RAB20: variants seen among roughly 807,000 people sequenced by gnomAD.
RAB20 encodes ras-related protein Rab-20.
A neutral mutation model predicts 3.7 loss-of-function variants in RAB20; 2 were observed. That is an observed-to-expected ratio of 0.54 (90% CI 0.22 to 1.69). The LOEUF is 1.69. Among genes scored for constraint, RAB20 ranks in the 40% most tolerant of loss-of-function variants. The probability of loss-of-function intolerance (pLI) is 0.19; values close to 1 mark genes in which losing one functional copy is unlikely to be tolerated. For missense variants in RAB20, 276 were observed against 311.9 expected (o/e 0.88, Z 0.87); for synonymous variants, 126 against 130.8 (o/e 0.96, Z 0.25).
chr13:110,545,493 G>A (rs1348055339), intron 1 of RAB20, among the ~76,000 whole-genome samples: 1 of 152,192 alleles, frequency 6.6e-6, no homozygotes, highest in African/African-American at 2.4e-5. Flanking sequence ...TCTGTCTACT[G>A]CCACTTGCCC....
At chr13:110,552,597 G>A (rs1884972713) in intron 1 of RAB20, among the ~76,000 whole-genome samples, 1 of 151,372 alleles carries the variant, frequency 6.6e-6, no homozygotes, top group African/African-American at 2.4e-5. Context: ...GGAGGCTGAG[G>A]CAGGAGAATG....
chr13:110,534,440 G>A (rs1884604630), intron 1 of RAB20, among the ~76,000 whole-genome samples: 1 of 152,196 alleles, frequency 6.6e-6, no homozygotes, highest in Admixed American at 6.5e-5. Context: ...ACAAAGAGGT[G>A]CTGCCACCGT....
chr13:110,536,297 G>T (rs1057267915), intron 1 of RAB20, among the ~76,000 whole-genome samples: 2 of 152,298 alleles, frequency 1.3e-5, no homozygotes, highest in East Asian at 1.9e-4. Context: ...ATGAGCTTCT[G>T]CTGTTTGAAG....
chr13:110,535,697 C>T lies in RAB20; in HGVS notation c.173-11500G>A, dbSNP rs74419499. Among the ~76,000 whole-genome samples, 1,375 of 152,352 alleles carry T rather than the reference C, an allele frequency of 9.0e-3. 26 individuals carry two copies. The highest frequency in any genetic ancestry group is 0.032 in the African/African-American group (1,315 of 41,578). Reference sequence around the variant, plus strand: ...CGTGAAGCACCGCACACACCCGGCACGCTGGGCCCAGGCCTTCCACGCAGT... The same window carrying T: ...CGTGAAGCACCGCACACACCCGGCATGCTGGGCCCAGGCCTTCCACGCAGT... On this transcript the variant is annotated intron_variant, in intron 1 of 1. Transcript: ENST00000267328.
At chr13:110,552,972 G>A (rs1169498041) in intron 1 of RAB20, among the ~76,000 whole-genome samples, 2 of 152,216 alleles carry the variant, frequency 1.3e-5, no homozygotes, top group African/African-American at 4.8e-5. Context: ...CGGCCACTGT[G>A]CTCTGCAATC....
In RAB20 at chr13:110,561,574, C is replaced by A; in HGVS notation, c.-55G>T. On this transcript the variant is annotated 5_prime_UTR_variant, in exon 1 of 2. Coordinates refer to ENST00000267328, the MANE Select transcript of RAB20 (RefSeq NM_017817.3). ...GCCCTCTCCCCGAGGCTGGCCGGCT[C>A]GTGCGCCCTGGGCGCAGCTGGAGGA... The A allele has an allele frequency of 6.7e-7, 1 of 1,501,168 alleles. No homozygotes were observed. The highest frequency in any genetic ancestry group is 8.9e-7 in the Non-Finnish European group (1 of 1,127,390). 93.0% of individuals were successfully genotyped at this position (1,501,168 alleles called of 1,614,324 possible).
intron 1 of RAB20, among the ~76,000 whole-genome samples, chr13:110,554,983 C>A (rs1168980515): frequency 4.8e-5 from 3 of 62,756 alleles, no homozygotes; most frequent in African/African-American, 2.0e-4. Flanking sequence ...TGAAGCTGAG[C>A]GGCCCTGGCA....
chr13:110,553,825 C>T (rs1884996256), intron 1 of RAB20, among the ~76,000 whole-genome samples: 1 of 152,204 alleles, frequency 6.6e-6, no homozygotes, highest in African/African-American at 2.4e-5. Context: ...CAGCTAAAAT[C>T]TGACTCCTGG....
intron 1 of RAB20, among the ~76,000 whole-genome samples, chr13:110,527,468 G>A (rs749469794): frequency 6.6e-6 from 1 of 152,186 alleles, no homozygotes; most frequent in Non-Finnish European, 1.5e-5. Flanking sequence ...TCAGAAGAAT[G>A]TGCCCTGCTG....
At chr13:110,527,932 CACACACACACAT>C (rs367814779) in intron 1 of RAB20, among the ~76,000 whole-genome samples, 1,685 of 149,798 alleles carry the variant, frequency 0.011, 37 homozygotes, top group African/African-American at 0.04. Context: ...CACACACACA[CACACACACACAT>C]ACACTTTAAT....
At chr13:110,524,345 T>C (rs895226635) in intron 1 of RAB20, 148 bp from the exon 2 acceptor site, 3 of 1,286,018 alleles carry the variant, frequency 2.3e-6, no homozygotes, top group Non-Finnish European at 3.1e-6. Context: ...TGATGGAGAA[T>C]GTGCCACCCA....
intron 1 of RAB20, among the ~76,000 whole-genome samples, chr13:110,559,807 A>G (rs541525884): frequency 6.6e-6 from 1 of 152,298 alleles, no homozygotes; most frequent in African/African-American, 2.4e-5. Context: ...GTGGAAACGA[A>G]ACTGCTGCTT....
At chr13:110,538,608 AAAAAAAAAAAGAAAG>A (rs1348897582) in intron 1 of RAB20, among the ~76,000 whole-genome samples, 198 of 138,048 alleles carry the variant, frequency 1.4e-3, no homozygotes, top group Non-Finnish European at 2.2e-3. Context: ...AAAAAAAAAA[AAAAAAAAAAAGAAAG>A]AAAAGAAAAG....
rs1045551515 is a variant in RAB20 at position 110,555,511 on chromosome 13, C to T, written c.172+5837G>A. Among the ~76,000 whole-genome samples the T allele has an allele frequency of 5.3e-5, 8 of 152,358 alleles. No homozygotes were observed. The East Asian group carries it at 1.5e-3, about 29-fold the overall frequency. ...GGCTGGGCCCATCTCTCTTCCACAT[C>T]TTTGCCGTCCACCCGTCCTTGGGTT... On this transcript the variant is annotated intron_variant, in intron 1 of 1. Transcript: ENST00000267328. This position sits in a 1 kb window ranked among gnomAD's most constrained non-coding sequence, Gnocchi z 4.0.
intron 1 of RAB20, among the ~76,000 whole-genome samples, chr13:110,539,853 C>T (rs1041157091): frequency 1.3e-5 from 2 of 152,220 alleles, no homozygotes; most frequent in Admixed American, 1.3e-4. Flanking sequence ...AGCCACCGCG[C>T]CCGGCCACAT....
chr13:110,542,230 G>A (rs1215990678), intron 1 of RAB20, among the ~76,000 whole-genome samples: 1 of 151,618 alleles, frequency 6.6e-6, no homozygotes, highest in African/African-American at 2.4e-5. Context: ...TATTTCAGAT[G>A]TACAACATGA....
intron 1 of RAB20, among the ~76,000 whole-genome samples, chr13:110,527,636 C>T (rs903786804): frequency 2.0e-5 from 3 of 152,132 alleles, no homozygotes; most frequent in Non-Finnish European, 4.4e-5. Flanking sequence ...TCCTCCCTTC[C>T]GCACGCCTAC....
At chr13:110,536,721 T>TTGGG (rs1164445964) in intron 1 of RAB20, among the ~76,000 whole-genome samples, 1 of 7,456 alleles carries the variant, frequency 1.3e-4, no homozygotes. Context: ...GGCTTTTTTT[T>TTGGG]GGGGCGGTGG....
At chr13:110,531,205 G>C (rs778776648) in intron 1 of RAB20, among the ~76,000 whole-genome samples, 1 of 152,182 alleles carries the variant, frequency 6.6e-6, no homozygotes, top group Non-Finnish European at 1.5e-5. Flanking sequence ...AAGCACGCTG[G>C]CAACAGGCAC....
Sources: gnomAD v4.1 joint callset for allele counts (sites outside exome capture counted in the v4.1 genomes callset) on GRCh38, gnomAD v4.1.1 for gene constraint, Gnocchi (gnomAD v3.1) non-coding constraint, MANE v1.5 for transcripts, NCBI Gene and HGNC (gene_info 2026-07-23, HGNC 2026-07-21) for gene names.